CPS1: variants seen among roughly 807,000 people sequenced by gnomAD.
CPS1 encodes the protein carbamoyl-phosphate synthase 1.
A neutral mutation model predicts 174.6 loss-of-function variants in CPS1; 109 were observed. The observed-to-expected ratio is 0.62, with a 90% confidence interval of 0.53 to 0.73. The LOEUF is 0.73. Among genes scored for constraint, CPS1 ranks in the 30% least tolerant of loss-of-function variants. The pLI, the probability that CPS1 is intolerant of heterozygous loss-of-function variation, is 0.00. For synonymous variants in CPS1, 637 were observed against 632.0 expected (o/e 1.01, Z -0.12); for missense variants, 1,689 against 1,821.9 (o/e 0.93, Z 1.33).
intron 25 of CPS1, 130 bp from the exon 26 acceptor site, chr2:210,647,733 T>C: frequency 1.7e-6 from 2 of 1,174,916 alleles, no homozygotes; most frequent in Non-Finnish European, 2.5e-6. Context: ...ACAGTATTCA[T>C]TGGTAGGAGA....
At chr2:210,600,432 C>T in intron 14 of CPS1, 123 bp from the exon 15 acceptor site, 1 of 908,672 alleles carries the variant, frequency 1.1e-6, no homozygotes, top group Non-Finnish European at 1.7e-6. Context: ...AAGTGCAATT[C>T]TATTGTAGAC....
Position 210,677,073 on chromosome 2 carries a change from T to A in CPS1, c.4341T>A (p.His1447Gln), listed in dbSNP as rs1436349251. 1.2e-6 allele frequency: 2 copies of A among 1,613,482 alleles called. No homozygotes were observed. The change falls in exon 37 of 38, where the codon CAT (histidine) becomes CAA (glutamine). Residue 1447 changes from histidine (H) to glutamine (Q), a missense_variant. By Grantham distance (24) the His-to-Gln change is conservative (BLOSUM62 0). Coordinates refer to ENST00000233072, the MANE Select transcript of CPS1 (RefSeq NM_001875.5). ...NLPNNNTKFV[H>Q]DNYVIRRTAV... ...CCAACAACAACACTAAATTTGTCCA[T>A]GATAATTATGTGATTCGGAGGACAG...
intron 25 of CPS1, among the ~76,000 whole-genome samples, chr2:210,644,746 G>C (rs1700324796): frequency 6.6e-6 from 1 of 152,070 alleles, no homozygotes; most frequent in South Asian, 2.1e-4. Flanking sequence ...TCTCAAATAA[G>C]CTTGAAGTAT....
chr2:210,492,824 CAT>C (rs1305277912), intron 1 of CPS1, among the ~76,000 whole-genome samples: 7 of 151,768 alleles, frequency 4.6e-5, no homozygotes, highest in Admixed American at 4.6e-4. Context: ...TCAAAGAAAA[CAT>C]ATCACATTGA....
chr2:210,664,028 A>C (rs955702731), intron 33 of CPS1, among the ~76,000 whole-genome samples: 16 of 152,326 alleles, frequency 1.1e-4, no homozygotes, highest in African/African-American at 3.8e-4. Flanking sequence ...GTTACAAGCA[A>C]GATCTGTGAT....
At chr2:210,509,726 T>TAC (rs1229177814) in intron 1 of CPS1, among the ~76,000 whole-genome samples, 2 of 152,048 alleles carry the variant, frequency 1.3e-5, no homozygotes, top group African/African-American at 4.8e-5. Context: ...AGCATTCTTA[T>TAC]ACCATTAGCA....
chr2:210,550,787 GTCTT>G (rs562820167), intron 1 of CPS1, among the ~76,000 whole-genome samples: 262 of 151,690 alleles, frequency 1.7e-3, no homozygotes, highest in African/African-American at 6.0e-3. Context: ...CTATTGAGGG[GTCTT>G]TCTTATTTAT....
chr2:210,478,088 A>G (rs1433421370), intron 1 of CPS1, among the ~76,000 whole-genome samples: 1 of 152,230 alleles, frequency 6.6e-6, no homozygotes. Flanking sequence ...CTGTGTGAGT[A>G]TCCCTGAGAC....
At chr2:210,648,446 AT>A in intron 26 of CPS1, 26 bp from the exon 27 acceptor site, 1 of 1,583,454 alleles carries the variant, frequency 6.3e-7, no homozygotes, top group Non-Finnish European at 8.7e-7. Flanking sequence ...CTACTCATAC[AT>A]TTTTATTGTT....
intron 1 of CPS1, among the ~76,000 whole-genome samples, chr2:210,494,872 G>T (rs1262750089): frequency 6.6e-6 from 1 of 152,152 alleles, no homozygotes; most frequent in African/African-American, 2.4e-5. Context: ...AGGCTCAATT[G>T]TTGGGGTGCA....
intron 32 of CPS1, 33 bp downstream of exon 32, chr2:210,660,688 T>G (rs1225899472): frequency 5.1e-6 from 8 of 1,579,408 alleles, no homozygotes; most frequent in Non-Finnish European, 7.0e-6. Flanking sequence ...AGTCATTTTA[T>G]GAGTTCTAGT....
chr2:210,656,987 G>T (rs1700728937), intron 30 of CPS1, among the ~76,000 whole-genome samples: 1 of 152,104 alleles, frequency 6.6e-6, no homozygotes, highest in Non-Finnish European at 1.5e-5. Context: ...AAGTCCTAAG[G>T]TGATGCTATT....
chr2:210,555,797 C>A, upstream of CPS1: 1 of 387,312 alleles, frequency 2.6e-6, no homozygotes, highest in Non-Finnish European at 5.3e-6. Flanking sequence ...CCTGGTTAAA[C>A]ATGGGACTGA....
At chr2:210,600,265 A>G (rs1038480777) in intron 14 of CPS1, among the ~76,000 whole-genome samples, 3 of 151,920 alleles carry the variant, frequency 2.0e-5, no homozygotes, top group Non-Finnish European at 2.9e-5. Flanking sequence ...TTAGGAGGAA[A>G]GGGAATATAT....
At chr2:210,521,105 A>T (rs965632240) in intron 1 of CPS1, among the ~76,000 whole-genome samples, 17 of 152,142 alleles carry the variant, frequency 1.1e-4, no homozygotes, top group African/African-American at 4.1e-4. Context: ...CCTCACCAAC[A>T]TTTGCCAAGG....
intron 2 of CPS1, among the ~76,000 whole-genome samples, chr2:210,574,837 A>G (rs745627621): frequency 6.7e-6 from 1 of 149,996 alleles, no homozygotes; most frequent in Non-Finnish European, 1.5e-5. Context: ...CTTTTATGGA[A>G]AGAAAGAAGA....
intron 1 of CPS1, among the ~76,000 whole-genome samples, chr2:210,499,402 C>T (rs1013700865): frequency 6.6e-6 from 1 of 152,152 alleles, no homozygotes; most frequent in African/African-American, 2.4e-5. Context: ...CCTCCAGCTC[C>T]AGGCCTGTGA....
At position 210,667,742 on chromosome 2, in the gene CPS1, C is replaced by T. The variant is rs529777370; in HGVS notation, c.4003-444C>T. 7.2e-5 allele frequency among the ~76,000 whole-genome samples: 11 copies of T among 152,188 alleles called. No homozygotes were observed. In the South Asian group the frequency reaches 8.3e-4, roughly 11 times the overall value. On this transcript the variant is annotated intron_variant, in intron 33 of 37. Coordinates refer to ENST00000233072, the MANE Select transcript of CPS1 (RefSeq NM_001875.5). Reference sequence around the variant, plus strand: ...GCAGTTACGCATTTCTGCTACTGACCGGTAAATTCATGCACGGCTGCATAG... The same window carrying T: ...GCAGTTACGCATTTCTGCTACTGACTGGTAAATTCATGCACGGCTGCATAG...
At chr2:210,564,583 A>G (rs372453547) in intron 1 of CPS1, among the ~76,000 whole-genome samples, 3 of 151,850 alleles carry the variant, frequency 2.0e-5, no homozygotes, top group African/African-American at 7.2e-5. Context: ...TCACCGTGTT[A>G]GCCAGGATGG....
Sources: gnomAD v4.1 joint callset for allele counts (sites outside exome capture counted in the v4.1 genomes callset) on GRCh38, gnomAD v4.1.1 for gene constraint, MANE v1.5 for transcripts, NCBI Gene and HGNC (gene_info 2026-07-23, HGNC 2026-07-21) for gene names.